The following CSRNP2 variants were observed in gnomAD, a reference collection of about 807,000 sequenced individuals.
CSRNP2 encodes cysteine and serine rich nuclear protein 2.
A neutral mutation model predicts 36.6 loss-of-function variants in CSRNP2; 11 were observed. That is an observed-to-expected ratio of 0.30 (90% CI 0.19 to 0.50). CSRNP2 has a LOEUF of 0.50. CSRNP2 is among the 20% of genes least tolerant of loss of function. The pLI, the probability that CSRNP2 is intolerant of heterozygous loss-of-function variation, is 0.98. For missense variants in CSRNP2, 483 were observed against 691.4 expected, an observed-to-expected ratio of 0.70 and a Z score of 3.38; for synonymous variants, 248 against 275.3, an observed-to-expected ratio of 0.90 and a Z score of 0.98.
rs989107947 is a variant in CSRNP2 at position 51,063,735 on chromosome 12, T to C, written c.*11A>G. ...TAGAGAATGGGTAAGAGGCAGGACC[T>C]CTAGCGCCTGTCACACTGCCAGAGG... On this transcript the variant is annotated 3_prime_UTR_variant, in exon 5 of 5. Coordinates refer to ENST00000228515, the MANE Select transcript of CSRNP2 (RefSeq NM_030809.3). 5.2e-6 allele frequency: 8 copies of C among 1,528,862 alleles called. No homozygotes were observed. The African/African-American group carries it at 1.1e-4, about 21-fold the overall frequency. 94.7% of individuals were successfully genotyped at this position (1,528,862 alleles called of 1,614,324 possible). A position where few individuals can be genotyped will look rare whatever the true frequency, so the allele number is the denominator to read the frequency against.
At chr12:51,075,178 C>G (rs1939344423) in intron 2 of CSRNP2, among the ~76,000 whole-genome samples, 1 of 152,124 alleles carries the variant, frequency 6.6e-6, no homozygotes, top group African/African-American at 2.4e-5. Context: ...ATGGCACAAT[C>G]ACGGCTCACT....
intron 1 of CSRNP2, among the ~76,000 whole-genome samples, chr12:51,077,369 A>G (rs17125346): frequency 0.14 from 21,963 of 152,234 alleles, 2,113 homozygotes; most frequent in East Asian, 0.53. Context: ...AAAATTGCCT[A>G]TAGTGGAACT....
Position 51,064,013 on chromosome 12 carries a change from A to G in CSRNP2, c.1365T>C (p.Pro455=). 6.2e-7 allele frequency: 1 copy of G among 1,614,222 alleles called. No individual in the cohort carries two copies. Residue 455 remains proline (P), a synonymous_variant, in exon 5 of 5, where the codon CCT becomes CCC. Transcript: ENST00000228515. ...KEKDLNVFSL[P]VTSLVACSST... The stretch of plus-strand genomic sequence containing the variant: ...AGCTACAAGCCACGAGTGAGGTAAC[A>G]GGGAGAGAGAAGACATTCAGATCCT...
chr12:51,081,322 T>A (rs2018042), intron 1 of CSRNP2: 81,215 of 151,950 alleles, frequency 0.53, 22,591 homozygotes, highest in Non-Finnish European at 0.62. Flanking sequence ...ATAAATTTTT[T>A]AAAAAAATAA....
intron 3 of CSRNP2, among the ~76,000 whole-genome samples, chr12:51,072,761 A>G (rs1179601659): frequency 6.6e-6 from 1 of 152,180 alleles, no homozygotes; most frequent in Non-Finnish European, 1.5e-5. Context: ...TGGGGATTAT[A>G]GAAACAGCAG....
rs1939409799 is a variant in CSRNP2 at position 51,076,506 on chromosome 12, C to G, written c.56G>C (p.Gly19Ala). The change falls in exon 2 of 5, where the codon GGC becomes GCC. Residue 19 changes from glycine to alanine, a missense_variant. Gly to Ala is a moderately conservative substitution (Grantham distance 60). Transcript: ENST00000228515. ...ATCATCTGAGTTGGAAACTGATGAG[C>G]CCACATCCACATCATCAAACTTCCT... ...LKRKFDDVDVGSSVSNSDDEI... is the reference protein window; with the variant it reads ...LKRKFDDVDVASSVSNSDDEI... 2 of 1,613,998 alleles carry G rather than the reference C, an allele frequency of 1.2e-6. No individual in the cohort carries two copies. The highest frequency in any genetic ancestry group is 4.5e-5 in the East Asian group (2 of 44,868).
At chr12:51,072,533 A>G (rs1939209804) in intron 3 of CSRNP2, among the ~76,000 whole-genome samples, 1 of 133,910 alleles carries the variant, frequency 7.5e-6, no homozygotes, top group Non-Finnish European at 1.5e-5. Flanking sequence ...ACTGCACTCC[A>G]GCCTGGGCAA....
chr12:51,072,287 C>T (rs1056442897), intron 3 of CSRNP2, among the ~76,000 whole-genome samples: 9 of 151,978 alleles, frequency 5.9e-5, no homozygotes, highest in Admixed American at 2.0e-4. Context: ...TGGCCAAGTG[C>T]GGTGGCTCAC....
At chr12:51,080,714 A>G (rs912788231) in intron 1 of CSRNP2, among the ~76,000 whole-genome samples, 1 of 152,178 alleles carries the variant, frequency 6.6e-6, no homozygotes, top group African/African-American at 2.4e-5. Context: ...TGTTAGCAGC[A>G]TTTTCTCTGA....
chr12:51,066,668 G>C (rs1281612311), intron 4 of CSRNP2, among the ~76,000 whole-genome samples: 1 of 151,600 alleles, frequency 6.6e-6, no homozygotes, highest in East Asian at 1.9e-4. Context: ...GCCAACAAGA[G>C]ATGATACTTT....
At chr12:51,078,749 T>C (rs1229479449) in intron 1 of CSRNP2, among the ~76,000 whole-genome samples, 1 of 151,908 alleles carries the variant, frequency 6.6e-6, no homozygotes, top group African/African-American at 2.4e-5. Context: ...TGTGCAGAAA[T>C]AGGAACACTT....
rs1203420271 is a variant in CSRNP2 at position 51,063,885 on chromosome 12, T to A, written c.1493A>T (p.Asp498Val). 6.2e-7 allele frequency: 1 copy of A among 1,613,832 alleles called. No homozygotes were observed. Among genetic ancestry groups the A allele is most frequent in the Non-Finnish European group, 8.5e-7 (1 of 1,179,978 alleles). ...TGAGGGGGACCAGGAAGGGTGGAAG[T>A]CTTCATTTTCAGGCTCCTCAGGGTT... ...DCNPEEPENE[D>V]FHPSWSPSSL... The change falls in exon 5 of 5, where the codon GAC becomes GTC. Residue 498 changes from aspartate (D) to valine (V), a missense_variant. Around this residue, in one of 2 missense-constraint regions of CSRNP2, gnomAD observed 277 missense variants for 323.6 expected, o/e 0.86. Transcript: ENST00000228515.
In CSRNP2 at chr12:51,076,481, A is replaced by G; in HGVS notation, c.81T>C (p.Asp27=). 6.2e-7 allele frequency: 1 copy of G among 1,614,028 alleles called. No homozygotes were observed. Among genetic ancestry groups the G allele is most frequent in the Non-Finnish European group, 8.5e-7 (1 of 1,179,968 alleles). ...DVGSSVSNSD[D]EISSSDSADS... ...CAGCACTATCACTGCTGGAGATCTC[A>G]TCATCTGAGTTGGAAACTGATGAGC... The change falls in exon 2 of 5, where the codon GAT becomes GAC. Residue 27 remains aspartate, a synonymous_variant. Transcript: ENST00000228515.
chr12:51,066,720 T>G (rs1297835180), intron 4 of CSRNP2, among the ~76,000 whole-genome samples: 2 of 152,142 alleles, frequency 1.3e-5, no homozygotes, highest in African/African-American at 4.8e-5. Flanking sequence ...CTAGGCCAGG[T>G]CTGATCCTGA....
At position 51,061,632 on chromosome 12, in the gene CSRNP2, G is replaced by C. The variant is rs1409044707; in HGVS notation, c.*2114C>G. On this transcript the variant is annotated 3_prime_UTR_variant, in exon 5 of 5. Coordinates refer to ENST00000228515, the MANE Select transcript of CSRNP2 (RefSeq NM_030809.3). ...AGTCACAACTGTAGCGTTAATGAAG[G>C]GGATGGACTTAAATTAAGAAACTAC... The C allele has an allele frequency of 6.6e-6, 1 of 152,594 alleles. No homozygotes were observed. Among genetic ancestry groups the C allele is most frequent in the Non-Finnish European group, 1.5e-5 (1 of 68,036 alleles). 9.5% of individuals were successfully genotyped at this position (152,594 alleles called of 1,614,324 possible). A position where few individuals can be genotyped will look rare whatever the true frequency, so the allele number is the denominator to read the frequency against.
intron 1 of CSRNP2, among the ~76,000 whole-genome samples, chr12:51,081,236 T>A (rs1366047559): frequency 1.3e-5 from 2 of 152,084 alleles, no homozygotes; most frequent in Non-Finnish European, 2.9e-5. Flanking sequence ...TGCAGTGAGC[T>A]GAGATTGTGC....
chr12:51,064,768 T>C, intron 4 of CSRNP2, 99 bp from the exon 5 acceptor site: 1 of 1,084,852 alleles, frequency 9.2e-7, no homozygotes, highest in Non-Finnish European at 1.3e-6. Context: ...GGATTTGAGG[T>C]CTCCTTGTAA....
rs150988431 is a variant in CSRNP2, at chr12:51,064,192, C to T, written c.1186G>A (p.Glu396Lys). The T allele has an allele frequency of 1.3e-4, 215 of 1,614,146 alleles. 1 individual carries two copies. The African/African-American group carries it at 2.6e-3, about 20-fold the overall frequency. ...PPGSSVLCFT[E>K]NSDHPTASTV... ...GAGGCAGTTGGGTGGTCTGAGTTCT[C>T]GGTAAAACACAGGACAGAGGAGCCT... The change falls in exon 5 of 5, where the codon GAG becomes AAG. Residue 396 changes from glutamate (E) to lysine (K), a missense_variant. Physicochemically the swap from Glu to Lys is moderately conservative, Grantham distance 56 (BLOSUM62 1). This residue lies in a region of CSRNP2 where 277 missense variants were observed against 323.6 expected (regional missense o/e 0.86). Transcript: ENST00000228515.
Position 51,064,118 on chromosome 12 carries a change from A to G in CSRNP2, c.1260T>C (p.Tyr420=), listed in dbSNP as rs765235666. Residue 420 remains tyrosine, a synonymous_variant, in exon 5 of 5, where the codon TAT becomes TAC. Coordinates refer to ENST00000228515, the MANE Select transcript of CSRNP2 (RefSeq NM_030809.3). The part of the protein sequence containing the change: ...SYLNSGPLVY[Y]QVEQRPVLGV... ...CCAAGACTGGCCTCTGCTCCACTTG[A>G]TAATAGACCAGGGGCCCACTGTTCA... 5 of 1,614,018 alleles carry G rather than the reference A, an allele frequency of 3.1e-6. No homozygotes were observed. Among genetic ancestry groups the G allele is most frequent in the South Asian group, 1.1e-5 (1 of 91,076 alleles).
Sources: allele counts gnomAD v4.1 joint callset (sites outside exome capture counted in the v4.1 genomes callset), GRCh38; gene constraint gnomAD v4.1.1; regional missense constraint gnomAD v4.1.1; transcripts MANE v1.5; gene names NCBI Gene and HGNC (gene_info 2026-07-23, HGNC 2026-07-21).